KLF12: variants seen among roughly 807,000 people sequenced by gnomAD.
The protein encoded by KLF12 is Krueppel-like factor 12.
A neutral mutation model predicts 37.8 loss-of-function variants in KLF12; 9 were observed. The observed-to-expected ratio is 0.24, with a 90% CI of 0.14 to 0.42. KLF12 has a LOEUF of 0.42. KLF12 is among the 10% of genes least tolerant of loss of function. KLF12 has a pLI of 1.00. For synonymous variants in KLF12, 208 were observed against 202.1 expected, an observed-to-expected ratio of 1.03 and a Z score of -0.25; for missense variants, 411 against 516.0, an observed-to-expected ratio of 0.80 and a Z score of 1.97.
At chr13:74,292,960 G>A in the KLF12 span, among the ~76,000 whole-genome samples, 1 of 152,184 alleles carries the variant, frequency 6.6e-6, no homozygotes, top group Admixed American at 6.5e-5. Flanking sequence ...AAAAATCATT[G>A]TTAATGAGCA....
the KLF12 span, among the ~76,000 whole-genome samples, chr13:74,148,403 CTTTT>C: frequency 9.5e-5 from 7 of 73,484 alleles, no homozygotes; most frequent in Non-Finnish European, 1.4e-4. Context: ...CAAAACTGCT[CTTTT>C]TTTTTTTTTT....
chr13:73,959,098 C>CAGT (rs1890938120), intron 2 of KLF12, among the ~76,000 whole-genome samples: 1 of 141,018 alleles, frequency 7.1e-6, no homozygotes, highest in Non-Finnish European at 1.5e-5. Flanking sequence ...CCAAGTTCAG[C>CAGT]ATCTCTGACC....
chr13:73,868,302 C>T, intron 3 of KLF12, among the ~76,000 whole-genome samples: 1 of 76,234 alleles, frequency 1.3e-5, no homozygotes, highest in South Asian at 5.0e-4. Flanking sequence ...AAAACTCCAT[C>T]TCAAAAGAAA....
At chr13:74,195,838 C>T in the KLF12 span, among the ~76,000 whole-genome samples, 1 of 152,102 alleles carries the variant, frequency 6.6e-6, no homozygotes, top group African/African-American at 2.4e-5. Flanking sequence ...CTCGCCTTGG[C>T]CTCCCAAACT....
chr13:73,960,954 A>T (rs1891004539), intron 2 of KLF12, among the ~76,000 whole-genome samples: 1 of 152,066 alleles, frequency 6.6e-6, no homozygotes, highest in Non-Finnish European at 1.5e-5. Flanking sequence ...TTATTTATTT[A>T]TTTATTTTTT....
At chr13:73,933,354 C>A (rs907111472) in intron 3 of KLF12, among the ~76,000 whole-genome samples, 5 of 152,030 alleles carry the variant, frequency 3.3e-5, no homozygotes, top group Non-Finnish European at 2.9e-5. Context: ...TTATTATGTT[C>A]CAGGAAGAAA....
intron 3 of KLF12, 83 bp from the exon 4 acceptor site, chr13:73,846,456 T>C: frequency 8.2e-7 from 1 of 1,226,982 alleles, no homozygotes; most frequent in Non-Finnish European, 1.1e-6. Flanking sequence ...TGAACGTTTA[T>C]TACTTTTTCT....
intron 1 of KLF12, among the ~76,000 whole-genome samples, chr13:74,122,459 T>A (rs533693786): frequency 7.9e-5 from 12 of 152,128 alleles, no homozygotes; most frequent in Non-Finnish European, 1.8e-4. Context: ...TTGCTGGTAA[T>A]AATATGAATT....
chr13:73,967,107 T>C (rs1303664238), intron 2 of KLF12, among the ~76,000 whole-genome samples: 4 of 152,212 alleles, frequency 2.6e-5, no homozygotes, highest in Non-Finnish European at 4.4e-5. Flanking sequence ...TGAATGCAAA[T>C]GTAACACTTC....
intron 4 of KLF12, among the ~76,000 whole-genome samples, chr13:73,845,546 G>GC (rs1884967617): frequency 6.6e-6 from 1 of 152,138 alleles, no homozygotes; most frequent in South Asian, 2.1e-4. Context: ...GCATTTCAAA[G>GC]CAAGTATTAT....
At chr13:74,163,764 G>A in the KLF12 span, among the ~76,000 whole-genome samples, 5 of 152,036 alleles carry the variant, frequency 3.3e-5, no homozygotes, top group South Asian at 1.0e-3. Context: ...ATACTTGAGG[G>A]GATGTGGATA....
At chr13:74,177,179 A>G in the KLF12 span, among the ~76,000 whole-genome samples, 1 of 152,232 alleles carries the variant, frequency 6.6e-6, no homozygotes, top group Non-Finnish European at 1.5e-5. Flanking sequence ...GAAGGTACAA[A>G]ACATGAAAAT....
chr13:74,297,119 A>G, the KLF12 span, among the ~76,000 whole-genome samples: 7 of 152,180 alleles, frequency 4.6e-5, no homozygotes, highest in South Asian at 2.1e-4. Flanking sequence ...TCAAACTTAG[A>G]CATAGACATT....
chr13:74,201,323 T>G, the KLF12 span, among the ~76,000 whole-genome samples: 1 of 152,182 alleles, frequency 6.6e-6, no homozygotes, highest in Non-Finnish European at 1.5e-5. Context: ...CATCCTCTTG[T>G]TGTAATGTAA....
the KLF12 span, among the ~76,000 whole-genome samples, chr13:74,246,664 C>G: frequency 6.6e-6 from 1 of 152,324 alleles, no homozygotes; most frequent in South Asian, 2.1e-4. Context: ...AAACACCGGA[C>G]AGATGGCAAA....
chr13:74,030,359 T>C (rs1325226323), intron 1 of KLF12, among the ~76,000 whole-genome samples: 1 of 152,120 alleles, frequency 6.6e-6, no homozygotes, highest in Non-Finnish European at 1.5e-5. Context: ...CTCTGCCCAA[T>C]GTTACACGTT....
chr13:73,861,963 C>T (rs1209960239), intron 3 of KLF12, among the ~76,000 whole-genome samples: 2 of 151,728 alleles, frequency 1.3e-5, no homozygotes, highest in East Asian at 3.9e-4. Context: ...TGTGTGTCTA[C>T]GTGTTCCTAG....
At chr13:74,062,717 C>G (rs1161290202) in intron 1 of KLF12, among the ~76,000 whole-genome samples, 1 of 152,158 alleles carries the variant, frequency 6.6e-6, no homozygotes, top group Non-Finnish European at 1.5e-5. Flanking sequence ...TAATCTCTTA[C>G]AGAGCTGTGT....
At chr13:74,191,827 C>G in the KLF12 span, among the ~76,000 whole-genome samples, 1 of 151,802 alleles carries the variant, frequency 6.6e-6, no homozygotes, top group Non-Finnish European at 1.5e-5. Flanking sequence ...TTCTCTCTGT[C>G]TATATATATA....
Sources: allele counts gnomAD v4.1 joint callset (sites outside exome capture counted in the v4.1 genomes callset), GRCh38; gene constraint gnomAD v4.1.1; transcripts MANE v1.5; gene names NCBI Gene and HGNC (gene_info 2026-07-23, HGNC 2026-07-21).